Variants in NUP93 observed in about 807,000 individuals in gnomAD.
The protein encoded by NUP93 is nuclear pore complex protein Nup93.
NUP93 carries 55 observed loss-of-function variants against 107.8 expected under a neutral mutation model. The ratio of observed to expected loss-of-function variants is 0.51; its 90% CI spans 0.41 to 0.64. The LOEUF (loss-of-function observed/expected upper bound fraction) is 0.64, where lower values mean the gene tolerates loss of function less well. Among genes scored for constraint, NUP93 ranks in the 30% least tolerant of loss-of-function variants. The pLI is 0.00. For missense variants in NUP93, 937 were observed against 1,044.7 expected, an observed-to-expected ratio of 0.90 and a Z score of 1.42; for synonymous variants, 390 against 397.5, an observed-to-expected ratio of 0.98 and a Z score of 0.22.
intron 16 of NUP93, among the ~76,000 whole-genome samples, chr16:56,835,579 G>A (rs1253977510): frequency 6.6e-6 from 1 of 152,190 alleles, no homozygotes; most frequent in Non-Finnish European, 1.5e-5. Context: ...TACTGTATGT[G>A]AGTTGACAGA....
rs563247192 is a variant in NUP93 at position 56,810,140 on chromosome 16, G to T, written c.489+4508G>T. Among the ~76,000 whole-genome samples the T allele has an allele frequency of 1.2e-4, 19 of 152,320 alleles. No individual in the cohort carries two copies. The South Asian group carries it at 3.7e-3, about 30-fold the overall frequency. On this transcript the variant is annotated intron_variant, in intron 5 of 21. Transcript: ENST00000308159. ...CTTGACCTCAAGTCCCCTTGGAAGG[G>T]AGTTATCTATGCTTTTCCTATCTGT...
At chr16:56,764,054 T>G (rs1962176720) in intron 3 of NUP93, among the ~76,000 whole-genome samples, 2 of 152,230 alleles carry the variant, frequency 1.3e-5, no homozygotes, top group African/African-American at 4.8e-5. Flanking sequence ...TGTTAAAAAC[T>G]TGTTTTGCTT....
At chr16:56,776,254 G>A (rs1962415209) in intron 3 of NUP93, among the ~76,000 whole-genome samples, 1 of 152,026 alleles carries the variant, frequency 6.6e-6, no homozygotes. Flanking sequence ...ATCGTTGAGG[G>A]TTGGATAATT....
intron 1 of NUP93, among the ~76,000 whole-genome samples, chr16:56,742,131 TTAGGTC>T (rs1961749395): frequency 6.6e-6 from 1 of 152,208 alleles, no homozygotes; most frequent in Non-Finnish European, 1.5e-5. Flanking sequence ...ATCCTGTGCA[TTAGGTC>T]AATGGGACAG....
intron 12 of NUP93, among the ~76,000 whole-genome samples, chr16:56,832,805 G>A (rs903785395): frequency 6.6e-6 from 1 of 152,194 alleles, no homozygotes; most frequent in African/African-American, 2.4e-5. Flanking sequence ...GTGGTTACCA[G>A]TTGTTGCATT....
chr16:56,749,322 A>G (rs1340892154), intron 2 of NUP93, among the ~76,000 whole-genome samples: 1 of 152,244 alleles, frequency 6.6e-6, no homozygotes, highest in Non-Finnish European at 1.5e-5. Context: ...CAATCTCCAC[A>G]TTAGAGTTGA....
At chr16:56,771,452 C>T (rs1253747679) in intron 3 of NUP93, among the ~76,000 whole-genome samples, 11 of 152,094 alleles carry the variant, frequency 7.2e-5, no homozygotes, top group African/African-American at 1.9e-4. Context: ...GGGTAAATGC[C>T]GTATTATTCT....
chr16:56,811,222 C>CA (rs1294038250), intron 5 of NUP93, among the ~76,000 whole-genome samples: 1 of 152,212 alleles, frequency 6.6e-6, no homozygotes, highest in African/African-American at 2.4e-5. Flanking sequence ...AGTACCCTCC[C>CA]ACCAGCAGTA....
chr16:56,744,214 AT>A (rs1961784181), intron 1 of NUP93, among the ~76,000 whole-genome samples: 1 of 152,058 alleles, frequency 6.6e-6, no homozygotes, highest in Non-Finnish European at 1.5e-5. Flanking sequence ...TTGGACTTCA[AT>A]TTTTTTCCCC....
chr16:56,774,202 G>C (rs1962371435), intron 3 of NUP93, among the ~76,000 whole-genome samples: 3 of 152,188 alleles, frequency 2.0e-5, no homozygotes, highest in African/African-American at 7.2e-5. Flanking sequence ...CGGATGTGCT[G>C]TTGCTTCTGC....
rs1361624825 is a variant in NUP93 at position 56,849,546 on chromosome 16, C to T, written c.*4937C>T. ...ATCAGGACATATGCTTTGGTGGCCT[C>T]AGCAGACCTGGCCTAGGCAGGCTTT... is the stretch of plus-strand genomic sequence containing the variant. On this transcript the variant is annotated 3_prime_UTR_variant, in exon 22 of 22. Transcript: ENST00000308159. 6.6e-6 allele frequency: 1 copy of T among 152,250 alleles called. No homozygotes were observed. The highest frequency in any genetic ancestry group is 2.4e-5 in the African/African-American group (1 of 41,460). 9.4% of individuals were successfully genotyped at this position (152,250 alleles called of 1,614,324 possible).
chr16:56,767,170 T>A (rs1443283547), intron 3 of NUP93, among the ~76,000 whole-genome samples: 1 of 152,210 alleles, frequency 6.6e-6, no homozygotes, highest in Non-Finnish European at 1.5e-5. Context: ...CGCACCACTT[T>A]AATTATCCTG....
chr16:56,798,455 T>C, intron 3 of NUP93, 21 bp from the exon 4 acceptor site: 1 of 1,609,074 alleles, frequency 6.2e-7, no homozygotes, highest in African/African-American at 1.3e-5. Flanking sequence ...TTAAGTTGTG[T>C]TAATTTTCCC....
At chr16:56,837,462 C>T in intron 17 of NUP93, 146 bp from the exon 18 acceptor site, 1 of 611,092 alleles carries the variant, frequency 1.6e-6, no homozygotes. Flanking sequence ...GCTCAGGAGG[C>T]TGAGGCACGA....
Position 56,844,676 on chromosome 16 carries a change from C to A in NUP93, c.*67C>A. On this transcript the variant is annotated 3_prime_UTR_variant, in exon 22 of 22. Coordinates refer to ENST00000308159, the MANE Select transcript of NUP93 (RefSeq NM_014669.5). The stretch of plus-strand genomic sequence containing the variant: ...ACATCAGGCACATGGGCCCACTAGG[C>A]TGGGGTTTCTGGTTTTGTTTCTGTT... The A allele has an allele frequency of 1.1e-6, 1 of 901,752 alleles. No individual in the cohort carries two copies. The highest frequency in any genetic ancestry group is 1.6e-6 in the Non-Finnish European group (1 of 613,286). The allele number at this position is 901,752 out of a possible 1,614,324, so 55.9% of individuals were successfully genotyped here.
At position 56,837,702 on chromosome 16, in the gene NUP93, A is replaced by T. The variant is rs1202679667; in HGVS notation, c.1994A>T (p.Asn665Ile). 1 of 1,614,036 alleles carries T rather than the reference A, an allele frequency of 6.2e-7. No homozygotes were observed. Among genetic ancestry groups the T allele is most frequent in the South Asian group, 1.1e-5 (1 of 91,076 alleles). ...APQSNKERLK[N>I]MALSIAERYR... ...CAATCCAACAAGGAGAGGCTGAAGA[A>T]CATGGCACTCTCCATTGCCGAACGG... Residue 665 changes from asparagine (N) to isoleucine (I), a missense_variant, in exon 18 of 22, where the codon AAC (asparagine) becomes ATC (isoleucine). Physicochemically the swap from Asn to Ile is moderately radical, Grantham distance 149. Coordinates refer to ENST00000308159, the MANE Select transcript of NUP93 (RefSeq NM_014669.5).
intron 1 of NUP93, chr16:56,741,843 A>G (rs1567372735): frequency 6.6e-6 from 1 of 152,244 alleles, no homozygotes; most frequent in Non-Finnish European, 1.5e-5. Context: ...CATTTTACTA[A>G]ATTAGAATTC....
chr16:56,794,089 G>GATA (rs879510389), intron 3 of NUP93, among the ~76,000 whole-genome samples: 4,789 of 91,410 alleles, frequency 0.052, 110 homozygotes, highest in East Asian at 0.15. Context: ...TAGGTAGGTA[G>GATA]GTAGATAGAT....
chr16:56,783,492 A>C (rs1440236016), intron 3 of NUP93: 1 of 985,300 alleles, frequency 1.0e-6, no homozygotes, highest in Non-Finnish European at 1.2e-6. Flanking sequence ...AGACAATGAG[A>C]TGTGGTTTGC....
Sources: allele counts gnomAD v4.1 joint callset (sites outside exome capture counted in the v4.1 genomes callset), GRCh38; gene constraint gnomAD v4.1.1; transcripts MANE v1.5; gene names NCBI Gene and HGNC (gene_info 2026-07-23, HGNC 2026-07-21).